ANKS1B: variants seen among roughly 807,000 people sequenced by gnomAD.
The protein encoded by ANKS1B is ankyrin repeat and sterile alpha motif domain-containing protein 1B.
A neutral mutation model predicts 148.3 loss-of-function variants in ANKS1B; 36 were observed. That is an observed-to-expected ratio of 0.24 (90% CI 0.19 to 0.32). The LOEUF is 0.32. Among genes scored for constraint, ANKS1B ranks in the 10% least tolerant of loss-of-function variants. ANKS1B has a pLI of 1.00. For missense variants in ANKS1B, 1,157 were observed against 1,542.6 expected (o/e 0.75, Z 4.19); for synonymous variants, 542 against 560.8 (o/e 0.97, Z 0.47).
At chr12:98,876,409 T>C (rs1317974210) in intron 17 of ANKS1B, among the ~76,000 whole-genome samples, 2 of 152,206 alleles carry the variant, frequency 1.3e-5, no homozygotes, top group East Asian at 3.8e-4. Context: ...GAGCTGAGCA[T>C]GCCTACTCAG....
At chr12:99,769,203 A>T (rs887877242) in intron 8 of ANKS1B, among the ~76,000 whole-genome samples, 3 of 152,102 alleles carry the variant, frequency 2.0e-5, no homozygotes, top group African/African-American at 7.2e-5. Flanking sequence ...GTTCTGACTC[A>T]TCATCTCAGA....
intron 9 of ANKS1B, among the ~76,000 whole-genome samples, chr12:99,639,737 A>G (rs534311117): frequency 2.0e-5 from 3 of 152,274 alleles, no homozygotes; most frequent in South Asian, 4.1e-4. Flanking sequence ...GCTTCCCTTC[A>G]ATCTTGATTG....
chr12:99,065,613 T>C (rs7488478), intron 16 of ANKS1B, among the ~76,000 whole-genome samples: 65,767 of 133,210 alleles, frequency 0.49, 16,504 homozygotes, highest in Admixed American at 0.61. Flanking sequence ...CATCCATCCA[T>C]CCATCCATCC....
In ANKS1B at chr12:98,781,214, A is replaced by T; in HGVS notation, c.3355-11T>A. 1 of 1,544,718 alleles carries T rather than the reference A, an allele frequency of 6.5e-7. No homozygotes were observed. Among genetic ancestry groups the T allele is most frequent in the Non-Finnish European group, 8.8e-7 (1 of 1,134,582 alleles). ...TTGCTCTGTAGACTTCTGAAATTAA[A>T]ATTAGAAAGCTGTTAGAGCAGTTTG... On this transcript the variant is annotated splice_polypyrimidine_tract_variant and intron_variant, in intron 23 of 26. Transcript: ENST00000683438.
intron 17 of ANKS1B, among the ~76,000 whole-genome samples, chr12:98,838,842 T>G (rs1419433946): frequency 6.6e-6 from 1 of 152,202 alleles, no homozygotes; most frequent in African/African-American, 2.4e-5. Flanking sequence ...TGGAAACTGA[T>G]CTGCTTTGTT....
At position 98,745,070 on chromosome 12, in the gene ANKS1B, G is replaced by A. The variant is rs2097851618; in HGVS notation, c.*669C>T. 1 of 985,436 alleles carries A rather than the reference G, an allele frequency of 1.0e-6. No individual in the cohort carries two copies. 61.0% of individuals were successfully genotyped at this position (985,436 alleles called of 1,614,324 possible). ...TATTTAATACAAGACACATTTTGCTGTGCATAATAAATTCCTCTGCTTTGA... is the reference window on the plus strand; with the variant it reads ...TATTTAATACAAGACACATTTTGCTATGCATAATAAATTCCTCTGCTTTGA... On this transcript the variant is annotated 3_prime_UTR_variant, in exon 27 of 27. Transcript: ENST00000683438.
chr12:99,468,390 A>G (rs151137457), intron 10 of ANKS1B, among the ~76,000 whole-genome samples: 235 of 152,354 alleles, frequency 1.5e-3, no homozygotes, highest in African/African-American at 5.1e-3. Flanking sequence ...CAAGGACTTC[A>G]TGTCTAAAAC....
At chr12:99,784,119 C>T (rs573758860) in intron 4 of ANKS1B, among the ~76,000 whole-genome samples, 130 of 151,768 alleles carry the variant, frequency 8.6e-4, no homozygotes, top group African/African-American at 3.1e-3. Context: ...TTGCCCATCA[C>T]AACCCTCTTC....
At chr12:99,137,807 T>TA (rs536033870) in intron 15 of ANKS1B, among the ~76,000 whole-genome samples, 1 of 152,144 alleles carries the variant, frequency 6.6e-6, no homozygotes, top group Non-Finnish European at 1.5e-5. Context: ...AAGCTGTTCC[T>TA]ATCACTCAGC....
At chr12:99,130,779 T>G (rs950398920) in intron 15 of ANKS1B, among the ~76,000 whole-genome samples, 2 of 152,208 alleles carry the variant, frequency 1.3e-5, no homozygotes, top group African/African-American at 2.4e-5. Context: ...ATTCCTCACA[T>G]GCAAACACTG....
At chr12:99,082,231 A>G (rs969762359) in intron 16 of ANKS1B, among the ~76,000 whole-genome samples, 3 of 152,276 alleles carry the variant, frequency 2.0e-5, no homozygotes, top group Admixed American at 1.3e-4. Context: ...AAGCAAATAA[A>G]TAATATAACT....
chr12:98,877,225 G>A (rs1260746188), intron 17 of ANKS1B, among the ~76,000 whole-genome samples: 2 of 152,106 alleles, frequency 1.3e-5, no homozygotes, highest in Non-Finnish European at 2.9e-5. Flanking sequence ...TCAGAGACAG[G>A]GCAGTGTCAA....
At chr12:99,237,661 A>T (rs921687456) in intron 14 of ANKS1B, among the ~76,000 whole-genome samples, 1 of 152,256 alleles carries the variant, frequency 6.6e-6, no homozygotes, top group African/African-American at 2.4e-5. Context: ...CACTTTGGTC[A>T]GGTGAATGTT....
At chr12:99,292,245 C>A (rs1386954099) in intron 12 of ANKS1B, among the ~76,000 whole-genome samples, 3 of 151,870 alleles carry the variant, frequency 2.0e-5, no homozygotes, top group Admixed American at 6.6e-5. Context: ...GTAATCCCAG[C>A]ACTTTGGGAG....
chr12:99,696,558 C>CT (rs561891959), intron 8 of ANKS1B, among the ~76,000 whole-genome samples: 3 of 152,054 alleles, frequency 2.0e-5, no homozygotes, highest in African/African-American at 7.2e-5. Context: ...AGGTCTTACA[C>CT]TTTTCACAAA....
intron 17 of ANKS1B, among the ~76,000 whole-genome samples, chr12:99,014,174 C>T (rs1242442030): frequency 6.6e-6 from 1 of 152,048 alleles, no homozygotes; most frequent in Non-Finnish European, 1.5e-5. Context: ...CAAAAACAGA[C>T]ACAGAGACCA....
chr12:98,840,228 C>T (rs1168265992), intron 17 of ANKS1B, among the ~76,000 whole-genome samples: 6 of 152,122 alleles, frequency 3.9e-5, no homozygotes, highest in East Asian at 3.8e-4. Context: ...AGTCTTGCCA[C>T]GGGTGATGCA....
intron 9 of ANKS1B, among the ~76,000 whole-genome samples, chr12:99,629,360 G>A (rs750859328): frequency 2.5e-4 from 38 of 151,938 alleles, no homozygotes; most frequent in East Asian, 5.8e-4. Context: ...CTTCACATAC[G>A]AGAAAAAAAC....
At chr12:98,793,348 A>C (rs2098909263) in intron 22 of ANKS1B, among the ~76,000 whole-genome samples, 1 of 152,236 alleles carries the variant, frequency 6.6e-6, no homozygotes. Flanking sequence ...TGTCAACTCA[A>C]AATGGATTAA....
Sources: gnomAD v4.1 joint callset for allele counts (sites outside exome capture counted in the v4.1 genomes callset) on GRCh38, gnomAD v4.1.1 for gene constraint, MANE v1.5 for transcripts, NCBI Gene and HGNC (gene_info 2026-07-23, HGNC 2026-07-21) for gene names.